ZBTB20: variants seen among roughly 807,000 people sequenced by gnomAD.
The protein encoded by ZBTB20 is zinc finger and BTB domain containing 20.
ZBTB20 carries 9 observed loss-of-function variants against 56.9 expected under a neutral mutation model. That is an observed-to-expected ratio of 0.16 (90% CI 0.10 to 0.28). The LOEUF (loss-of-function observed/expected upper bound fraction) is 0.28, where lower values mean the gene tolerates loss of function less well. ZBTB20 is among the 10% of genes least tolerant of loss of function. The probability of loss-of-function intolerance (pLI) is 1.00; values close to 1 mark genes in which losing one functional copy is unlikely to be tolerated. For missense variants in ZBTB20, 655 were observed against 1,003.0 expected, an observed-to-expected ratio of 0.65 and a Z score of 4.69; for synonymous variants, 417 against 420.7, an observed-to-expected ratio of 0.99 and a Z score of 0.11.
intron 7 of ZBTB20, among the ~76,000 whole-genome samples, chr3:114,448,789 T>A (rs1025138471): frequency 6.6e-6 from 1 of 152,160 alleles, no homozygotes; most frequent in African/African-American, 2.4e-5. Context: ...ATATATATAA[T>A]TGGATGAAAG....
At chr3:114,912,212 A>G (rs2075569576) in intron 3 of ZBTB20, among the ~76,000 whole-genome samples, 1 of 151,216 alleles carries the variant, frequency 6.6e-6, no homozygotes, top group South Asian at 2.1e-4. Context: ...TAATAACATA[A>G]CCAGACAAAG....
chr3:114,394,879 TG>T (rs904469682), intron 7 of ZBTB20, among the ~76,000 whole-genome samples: 6 of 152,226 alleles, frequency 3.9e-5, no homozygotes, highest in African/African-American at 1.4e-4. Flanking sequence ...GTCAAAAAAT[TG>T]TTTTTAGATC....
intron 2 of ZBTB20, among the ~76,000 whole-genome samples, chr3:115,009,037 G>A (rs1212050474): frequency 6.6e-6 from 1 of 151,596 alleles, no homozygotes; most frequent in African/African-American, 2.4e-5. Flanking sequence ...ATACGTTATT[G>A]GACACATATT....
intron 6 of ZBTB20, among the ~76,000 whole-genome samples, chr3:114,563,225 A>G (rs745371589): frequency 6.6e-6 from 1 of 152,204 alleles, no homozygotes; most frequent in Non-Finnish European, 1.5e-5. Flanking sequence ...AAACTTTCCC[A>G]TGACTTTTAT....
At chr3:114,774,671 C>A (rs894965190) in intron 5 of ZBTB20, among the ~76,000 whole-genome samples, 1 of 152,082 alleles carries the variant, frequency 6.6e-6, no homozygotes, top group African/African-American at 2.4e-5. Flanking sequence ...TTTTTAAGGG[C>A]TATTCAGATA....
At chr3:114,903,378 T>A (rs1296202608) in intron 3 of ZBTB20, among the ~76,000 whole-genome samples, 21 of 152,014 alleles carry the variant, frequency 1.4e-4, no homozygotes. Context: ...CTATCATAGT[T>A]GTATGAAAAG....
At chr3:115,064,266 C>T (rs2082120995) in intron 2 of ZBTB20, among the ~76,000 whole-genome samples, 1 of 152,018 alleles carries the variant, frequency 6.6e-6, no homozygotes, top group South Asian at 2.1e-4. Context: ...GGTCTTTTCT[C>T]CTCAGTTTTT....
Position 114,334,888 on chromosome 3 carries a change from A to T in ZBTB20, c.*4117T>A, listed in dbSNP as rs968937223. The T allele has an allele frequency of 1.3e-5, 2 of 151,930 alleles. No homozygotes were observed. Among genetic ancestry groups the T allele is most frequent in the Non-Finnish European group, 2.9e-5 (2 of 67,962 alleles). The allele number at this position is 151,930 out of a possible 1,614,324, so 9.4% of individuals were successfully genotyped here. ...TTTGATACAGAGATTTTCATTTCAG[A>T]TTTTTTTTCTTTGCTTAGCTTGTTT... On this transcript the variant is annotated 3_prime_UTR_variant, in exon 12 of 12. Transcript: ENST00000675478.
chr3:114,964,521 T>A (rs2077573492), intron 3 of ZBTB20, among the ~76,000 whole-genome samples: 1 of 152,162 alleles, frequency 6.6e-6, no homozygotes, highest in African/African-American at 2.4e-5. Context: ...CTGTAGAGGA[T>A]AAATAAGGCC....
intron 6 of ZBTB20, among the ~76,000 whole-genome samples, chr3:114,522,381 CAG>C (rs2046742025): frequency 6.6e-6 from 1 of 152,054 alleles, no homozygotes; most frequent in South Asian, 2.1e-4. Context: ...TAAATGAAGA[CAG>C]AGAGGTAATG....
chr3:114,806,181 C>T (rs1287703203), intron 4 of ZBTB20, among the ~76,000 whole-genome samples: 2 of 151,838 alleles, frequency 1.3e-5, no homozygotes, highest in Non-Finnish European at 2.9e-5. Flanking sequence ...AACCACTTTC[C>T]AAAGTGACTA....
intron 2 of ZBTB20, among the ~76,000 whole-genome samples, chr3:115,006,535 T>C (rs1383915276): frequency 6.6e-6 from 1 of 151,680 alleles, no homozygotes; most frequent in Non-Finnish European, 1.5e-5. Context: ...ACTTCTTTTT[T>C]TTCCCCTGAA....
Position 114,947,010 on chromosome 3 carries a change from C to T in ZBTB20, c.-456+27356G>A, listed in dbSNP as rs193071570. On this transcript the variant is annotated intron_variant, in intron 3 of 11. Coordinates refer to ENST00000675478, the MANE Select transcript of ZBTB20 (RefSeq NM_001348800.3). ...AACGTGGGCAAAAGACATGAATAGC[C>T]ATTTTTCAAAAGAAGACATACAAAT... 3.0e-4 allele frequency among the ~76,000 whole-genome samples: 44 copies of T among 144,856 alleles called. 2 individuals carry two copies. The highest frequency in any genetic ancestry group is 5.0e-4 in the Non-Finnish European group (34 of 67,590).
chr3:114,508,115 C>A (rs1055523554), intron 6 of ZBTB20, among the ~76,000 whole-genome samples: 1 of 151,908 alleles, frequency 6.6e-6, no homozygotes, highest in Non-Finnish European at 1.5e-5. Flanking sequence ...TTTGAAGGTC[C>A]AGAAAGTAAT....
At chr3:114,758,172 C>T (rs1300010520) in intron 5 of ZBTB20, among the ~76,000 whole-genome samples, 2 of 152,080 alleles carry the variant, frequency 1.3e-5, no homozygotes, top group Non-Finnish European at 2.9e-5. Context: ...GCTCACATAA[C>T]CTAGCTGTAC....
chr3:115,112,604 C>G (rs1182474704), intron 1 of ZBTB20, among the ~76,000 whole-genome samples: 2 of 152,174 alleles, frequency 1.3e-5, no homozygotes, highest in Non-Finnish European at 2.9e-5. Flanking sequence ...TGACCTCCAG[C>G]TCCATTCACA....
chr3:114,923,106 C>T (rs1237956311), intron 3 of ZBTB20, among the ~76,000 whole-genome samples: 8 of 152,070 alleles, frequency 5.3e-5, no homozygotes, highest in Admixed American at 4.6e-4. Flanking sequence ...AAATATTGCA[C>T]GTTCGTGAAT....
chr3:114,702,363 A>C (rs915809673), intron 5 of ZBTB20, among the ~76,000 whole-genome samples: 9 of 152,148 alleles, frequency 5.9e-5, no homozygotes, highest in African/African-American at 2.2e-4. Context: ...CTCCACCCCC[A>C]AAAATCAGAT....
intron 5 of ZBTB20, among the ~76,000 whole-genome samples, chr3:114,735,100 T>C (rs1265090806): frequency 6.6e-6 from 1 of 152,122 alleles, no homozygotes; most frequent in Non-Finnish European, 1.5e-5. Context: ...AAAAATACAT[T>C]GATTTTTGAG....
Sources: gnomAD v4.1 joint callset for allele counts (sites outside exome capture counted in the v4.1 genomes callset) on GRCh38, gnomAD v4.1.1 for gene constraint, MANE v1.5 for transcripts, NCBI Gene and HGNC (gene_info 2026-07-23, HGNC 2026-07-21) for gene names.